The following ARHGAP31 variants were observed in gnomAD, a reference collection of about 807,000 sequenced individuals.
ARHGAP31 encodes the protein Rho GTPase activating protein 31.
In ARHGAP31, 34 loss-of-function variants were observed where a neutral mutation model predicts 113.9. The observed-to-expected ratio is 0.30, with a 90% CI of 0.23 to 0.40. The LOEUF (loss-of-function observed/expected upper bound fraction) is 0.40. Among genes scored for constraint, ARHGAP31 ranks in the 10% least tolerant of loss-of-function variants. The probability of loss-of-function intolerance (pLI) is 1.00; values close to 1 mark genes in which losing one functional copy is unlikely to be tolerated. For synonymous variants in ARHGAP31, 650 were observed against 684.8 expected, an observed-to-expected ratio of 0.95 and a Z score of 0.79; for missense variants, 1,548 against 1,767.1, an observed-to-expected ratio of 0.88 and a Z score of 2.22.
chr3:119,297,826 A>G (rs1166114268), intron 1 of ARHGAP31, among the ~76,000 whole-genome samples: 2 of 152,088 alleles, frequency 1.3e-5, no homozygotes, highest in Non-Finnish European at 2.9e-5. Flanking sequence ...ATAGGTGTTC[A>G]GCTTAGGGCA....
chr3:119,359,835 C>G (rs1248811683), intron 1 of ARHGAP31, among the ~76,000 whole-genome samples: 1 of 151,966 alleles, frequency 6.6e-6, no homozygotes, highest in Non-Finnish European at 1.5e-5. Context: ...AAGAGGGGGC[C>G]CATTCACAGC....
At chr3:119,309,499 A>T (rs2079660038) in intron 1 of ARHGAP31, among the ~76,000 whole-genome samples, 1 of 152,188 alleles carries the variant, frequency 6.6e-6, no homozygotes, top group South Asian at 2.1e-4. Flanking sequence ...TCACACCTGT[A>T]ATTCCAGCAC....
intron 3 of ARHGAP31, among the ~76,000 whole-genome samples, chr3:119,377,765 T>C (rs894927911): frequency 6.6e-6 from 1 of 152,084 alleles, no homozygotes; most frequent in African/African-American, 2.4e-5. Context: ...TTTTTTTTTT[T>C]TAATTATGTG....
intron 8 of ARHGAP31, among the ~76,000 whole-genome samples, chr3:119,398,907 G>A (rs930881622): frequency 1.3e-5 from 2 of 152,164 alleles, no homozygotes; most frequent in African/African-American, 4.8e-5. Context: ...AAGTAAAATT[G>A]AGCTCAGGAG....
chr3:119,322,676 GAGGGAC>G (rs1345772268), intron 1 of ARHGAP31: 1 of 152,618 alleles, frequency 6.6e-6, no homozygotes, highest in African/African-American at 2.4e-5. Context: ...GCCAGTCCGG[GAGGGAC>G]GGCGGGGAAG....
At chr3:119,330,127 G>C (rs1463474217) in intron 1 of ARHGAP31, 2 of 637,022 alleles carry the variant, frequency 3.1e-6, no homozygotes, top group Non-Finnish European at 3.9e-6. Flanking sequence ...GAGCCTTCAG[G>C]AAAACAGCAA....
intron 1 of ARHGAP31, among the ~76,000 whole-genome samples, chr3:119,356,181 GTC>G (rs1267894085): frequency 6.6e-6 from 1 of 152,212 alleles, no homozygotes; most frequent in East Asian, 1.9e-4. Context: ...ACAGTGAGAA[GTC>G]TCTCTCTTAC....
At chr3:119,385,275 G>C (rs2107633103) in intron 6 of ARHGAP31, among the ~76,000 whole-genome samples, 1 of 151,522 alleles carries the variant, frequency 6.6e-6, no homozygotes, top group Middle Eastern at 3.4e-3. Context: ...TACCAATCTT[G>C]TTGTATATAT....
At position 119,401,882 on chromosome 3, in the gene ARHGAP31, C is replaced by G; in HGVS notation, c.1130C>G (p.Ala377Gly). The G allele has an allele frequency of 6.2e-7, 1 of 1,614,002 alleles. No homozygotes were observed. Among genetic ancestry groups the G allele is most frequent in the Non-Finnish European group, 8.5e-7 (1 of 1,179,988 alleles). Residue 377 changes from alanine (A) to glycine (G), a missense_variant, in exon 10 of 12, where the codon GCA becomes GGA. By Grantham distance (60) the Ala-to-Gly change is moderately conservative. Transcript: ENST00000264245. ...TVTTGGFFIP[A>G]TKMHSTGTGS... Reference sequence around the variant, plus strand: ...ACCACCGGTGGATTTTTCATTCCAGCAACAAAGATGCACTCCACCGGCACC... The same window carrying G: ...ACCACCGGTGGATTTTTCATTCCAGGAACAAAGATGCACTCCACCGGCACC...
At chr3:119,358,319 C>T (rs374006701) in intron 1 of ARHGAP31, among the ~76,000 whole-genome samples, 66 of 152,294 alleles carry the variant, frequency 4.3e-4, no homozygotes, top group African/African-American at 1.6e-3. Flanking sequence ...TTCACAACTA[C>T]TAGGATGACA....
chr3:119,378,988 ACTTCTG>A (rs979668607), intron 3 of ARHGAP31, among the ~76,000 whole-genome samples: 1 of 152,190 alleles, frequency 6.6e-6, no homozygotes, highest in African/African-American at 2.4e-5. Context: ...GTTTCTCCCC[ACTTCTG>A]CTTCAAATGC....
chr3:119,354,124 G>T (rs2107617869), intron 1 of ARHGAP31, among the ~76,000 whole-genome samples: 1 of 152,362 alleles, frequency 6.6e-6, no homozygotes, highest in East Asian at 1.9e-4. Context: ...GGGGAACCGG[G>T]CTCCAGGCTG....
In ARHGAP31 at chr3:119,416,898, T is replaced by C. The variant is rs1033918345; in HGVS notation, c.*634T>C. On this transcript the variant is annotated 3_prime_UTR_variant, in exon 12 of 12. Coordinates refer to ENST00000264245, the MANE Select transcript of ARHGAP31 (RefSeq NM_020754.4). ...ATCCCTGGAGACCTGTCCAAGATGA[T>C]TTCCATATACCAGCATAGAAAATCA... 1 of 159,102 alleles carries C rather than the reference T, an allele frequency of 6.3e-6. No individual in the cohort carries two copies. Among genetic ancestry groups the C allele is most frequent in the African/African-American group, 2.4e-5 (1 of 41,474 alleles). 9.9% of individuals were successfully genotyped at this position (159,102 alleles called of 1,614,324 possible).
chr3:119,311,239 C>A (rs73854472), intron 1 of ARHGAP31, among the ~76,000 whole-genome samples: 2,341 of 152,280 alleles, frequency 0.015, 59 homozygotes, highest in African/African-American at 0.052. Context: ...GGCACCCATC[C>A]TCTGTTCCTC....
At chr3:119,343,787 C>T (rs1463401155) in intron 1 of ARHGAP31, among the ~76,000 whole-genome samples, 3 of 152,216 alleles carry the variant, frequency 2.0e-5, no homozygotes, top group Non-Finnish European at 4.4e-5. Context: ...CCCCTTATCT[C>T]TGTAGGACGA....
At chr3:119,350,553 C>A (rs946545050) in intron 1 of ARHGAP31, among the ~76,000 whole-genome samples, 2 of 152,208 alleles carry the variant, frequency 1.3e-5, no homozygotes, top group South Asian at 4.2e-4. Flanking sequence ...GTACAATAAG[C>A]AAAAGGGATT....
At chr3:119,407,479 A>G (rs1450652112) in intron 10 of ARHGAP31, among the ~76,000 whole-genome samples, 1 of 152,236 alleles carries the variant, frequency 6.6e-6, no homozygotes. Flanking sequence ...GCAAACAACA[A>G]TCTGTATCAC....
chr3:119,359,189 T>C (rs1178678194), intron 1 of ARHGAP31, among the ~76,000 whole-genome samples: 13 of 152,002 alleles, frequency 8.6e-5, no homozygotes, highest in Non-Finnish European at 1.9e-4. Flanking sequence ...GGCTAGTTTT[T>C]GTAGTTTTAG....
intron 3 of ARHGAP31, among the ~76,000 whole-genome samples, chr3:119,369,306 G>C (rs2107624759): frequency 6.6e-6 from 1 of 152,272 alleles, no homozygotes; most frequent in Middle Eastern, 3.4e-3. Flanking sequence ...ATGAGAGCGT[G>C]TGCTGGGGGC....
Sources: allele counts gnomAD v4.1 joint callset (sites outside exome capture counted in the v4.1 genomes callset), GRCh38; gene constraint gnomAD v4.1.1; transcripts MANE v1.5; gene names NCBI Gene and HGNC (gene_info 2026-07-23, HGNC 2026-07-21).